The following DYM variants were observed in gnomAD, a reference collection of about 807,000 sequenced individuals.
DYM encodes the protein dyggve-Melchior-Clausen syndrome protein.
A neutral mutation model predicts 93.1 loss-of-function variants in DYM; 78 were observed. That is an observed-to-expected ratio of 0.84 (90% CI 0.70 to 1.01). The LOEUF (loss-of-function observed/expected upper bound fraction) is 1.01, where lower values mean the gene tolerates loss of function less well. Among genes scored for constraint, DYM ranks in the 50% least tolerant of loss-of-function variants. The probability of loss-of-function intolerance (pLI) is 0.00; values close to 1 mark genes in which losing one functional copy is unlikely to be tolerated. For synonymous variants in DYM, 321 were observed against 319.7 expected (o/e 1.00, Z -0.04); for missense variants, 789 against 845.0 (o/e 0.93, Z 0.82).
At chr18:49,183,772 T>G (rs1051658709) in intron 14 of DYM, among the ~76,000 whole-genome samples, 1 of 152,146 alleles carries the variant, frequency 6.6e-6, no homozygotes, top group African/African-American at 2.4e-5. Flanking sequence ...ATTTCCTATG[T>G]TGAAGCCCTA....
At chr18:49,303,565 G>A (rs574555530) in intron 8 of DYM, among the ~76,000 whole-genome samples, 1 of 152,264 alleles carries the variant, frequency 6.6e-6, no homozygotes, top group African/African-American at 2.4e-5. Flanking sequence ...AAGCTGGTCA[G>A]GTGTGACCCT....
At chr18:49,240,383 T>C (rs1289170340) in intron 13 of DYM, among the ~76,000 whole-genome samples, 1 of 152,196 alleles carries the variant, frequency 6.6e-6, no homozygotes, top group East Asian at 1.9e-4. Flanking sequence ...TATTTACTAA[T>C]TCATTTAAAT....
intron 1 of DYM, among the ~76,000 whole-genome samples, chr18:49,436,207 C>A (rs923558288): frequency 1.3e-5 from 2 of 152,090 alleles, no homozygotes; most frequent in Admixed American, 1.3e-4. Context: ...TAGAGATGGG[C>A]GTCTTGCTAT....
chr18:49,159,171 T>C (rs576622549), intron 15 of DYM, among the ~76,000 whole-genome samples: 1 of 152,220 alleles, frequency 6.6e-6, no homozygotes, highest in African/African-American at 2.4e-5. Context: ...TACAAAACAA[T>C]TGACTGAAGA....
intron 16 of DYM, among the ~76,000 whole-genome samples, chr18:49,103,265 T>C (rs915697498): frequency 3.9e-5 from 6 of 152,180 alleles, no homozygotes; most frequent in Non-Finnish European, 8.8e-5. Flanking sequence ...GTGGGGTTGT[T>C]TTTTTCTTGT....
chr18:49,360,155 T>C (rs2065895614), intron 6 of DYM, among the ~76,000 whole-genome samples: 1 of 152,124 alleles, frequency 6.6e-6, no homozygotes, highest in South Asian at 2.1e-4. Flanking sequence ...TCAAGAGTGT[T>C]TAAATGGCTG....
chr18:49,384,238 C>T, intron 3 of DYM, among the ~76,000 whole-genome samples: 1 of 146,800 alleles, frequency 6.8e-6, no homozygotes, highest in Non-Finnish European at 1.5e-5. Context: ...AGGAGGATTG[C>T]TTGAGCCCAG....
chr18:49,291,508 C>T (rs1364410575), intron 8 of DYM, among the ~76,000 whole-genome samples: 2 of 152,208 alleles, frequency 1.3e-5, no homozygotes, highest in East Asian at 3.9e-4. Flanking sequence ...AGTCCCCATC[C>T]CTAAATTTCG....
chr18:49,206,928 A>G (rs2092545405), intron 14 of DYM, among the ~76,000 whole-genome samples: 2 of 152,234 alleles, frequency 1.3e-5, no homozygotes, highest in Non-Finnish European at 2.9e-5. Context: ...AATAAATTCT[A>G]CACTGACTCA....
At chr18:49,200,620 T>C (rs187096187) in intron 14 of DYM, among the ~76,000 whole-genome samples, 35 of 152,148 alleles carry the variant, frequency 2.3e-4, no homozygotes, top group Admixed American at 9.2e-4. Context: ...TATAACCCTT[T>C]CTTTAGGTTA....
chr18:49,116,831 G>A (rs573252677), intron 16 of DYM, among the ~76,000 whole-genome samples: 4 of 152,288 alleles, frequency 2.6e-5, no homozygotes, highest in South Asian at 4.1e-4. Context: ...GAGTTAACTC[G>A]TGATAGGTGT....
intron 17 of DYM, among the ~76,000 whole-genome samples, chr18:49,054,170 G>A (rs913904208): frequency 6.6e-6 from 1 of 152,124 alleles, no homozygotes; most frequent in Admixed American, 6.5e-5. Context: ...GATAAGCACT[G>A]GTCTATGAAT....
chr18:49,358,224 T>G (rs575799951), intron 6 of DYM, among the ~76,000 whole-genome samples: 4 of 152,154 alleles, frequency 2.6e-5, no homozygotes, highest in Middle Eastern at 3.4e-3. Context: ...TATTTTCAGG[T>G]GGTCAAAGCT....
At chr18:49,363,335 T>A (rs1158594165) in intron 5 of DYM, 102 bp from the exon 6 acceptor site, 1 of 831,398 alleles carries the variant, frequency 1.2e-6, no homozygotes, top group African/African-American at 1.7e-5. Context: ...CAAACAGTTA[T>A]CATTATATAA....
intron 13 of DYM, among the ~76,000 whole-genome samples, chr18:49,232,440 A>C (rs1338754765): frequency 6.7e-6 from 1 of 149,446 alleles, no homozygotes; most frequent in Non-Finnish European, 1.5e-5. Flanking sequence ...AGTAGCTAGG[A>C]CTACAGGCAC....
intron 6 of DYM, among the ~76,000 whole-genome samples, chr18:49,352,940 A>G (rs1320165317): frequency 6.6e-6 from 1 of 152,114 alleles, no homozygotes; most frequent in Non-Finnish European, 1.5e-5. Context: ...TGCAAATTAC[A>G]AGTACACATA....
At chr18:49,446,796 C>T (rs374940436) in intron 1 of DYM, among the ~76,000 whole-genome samples, 4 of 152,142 alleles carry the variant, frequency 2.6e-5, no homozygotes, top group African/African-American at 7.2e-5. Context: ...CAGTGGCTCA[C>T]GCCTGTAATC....
intron 3 of DYM, chr18:49,391,326 T>A (rs778160772): frequency 2.5e-6 from 1 of 399,878 alleles, no homozygotes; most frequent in Non-Finnish European, 4.7e-6. Flanking sequence ...TTTCAGTATT[T>A]CAAAATTCAC....
chr18:49,384,783 A>G (rs1475068057), intron 3 of DYM, among the ~76,000 whole-genome samples: 4 of 152,106 alleles, frequency 2.6e-5, no homozygotes, highest in Non-Finnish European at 5.9e-5. Context: ...AATCAATCAT[A>G]CAAAGGAAGA....
Sources: allele counts gnomAD v4.1 joint callset (sites outside exome capture counted in the v4.1 genomes callset), GRCh38; gene constraint gnomAD v4.1.1; transcripts MANE v1.5; gene names NCBI Gene and HGNC (gene_info 2026-07-23, HGNC 2026-07-21).